Variants in DBF4B observed in about 807,000 individuals in gnomAD.
The protein encoded by DBF4B is protein DBF4 homolog B.
Under a neutral mutation model 53.4 loss-of-function variants are expected in DBF4B, and 49 were observed. The observed-to-expected ratio is 0.92, with a 90% CI of 0.73 to 1.16. The LOEUF (loss-of-function observed/expected upper bound fraction) is 1.16. Among genes scored for constraint, DBF4B ranks in the 50% most tolerant of loss-of-function variants. DBF4B has a pLI of 0.00. For missense variants in DBF4B, 692 were observed against 775.0 expected, an observed-to-expected ratio of 0.89 and a Z score of 1.27; for synonymous variants, 257 against 288.7, an observed-to-expected ratio of 0.89 and a Z score of 1.11.
At position 44,730,967 on chromosome 17, in the gene DBF4B, G is replaced by A. The variant is rs1257812225; in HGVS notation, c.420G>A (p.Val140=). ...CACTGCTCTTCTGTCCCTGTCAGGT[G>A]CCTCTAAGCAGAGGGAAGGAGCTGC... ...PRPSRKPVDS[V]PLSRGKELLQ... The change falls in exon 5 of 14, where the codon GTG becomes GTA. Residue 140 remains valine, a splice_region_variant and synonymous_variant. Transcript: ENST00000315005. The A allele has an allele frequency of 2.5e-6, 4 of 1,613,912 alleles. No individual in the cohort carries two copies. The highest frequency in any genetic ancestry group is 3.4e-6 in the Non-Finnish European group (4 of 1,179,848).
chr17:44,718,474 C>G (rs976943681), intron 2 of DBF4B, among the ~76,000 whole-genome samples: 1 of 150,782 alleles, frequency 6.6e-6, no homozygotes, highest in Non-Finnish European at 1.5e-5. Context: ...TCTCGTTAGT[C>G]TCCTCCTGAG....
At position 44,749,109 on chromosome 17, in the gene DBF4B, T is replaced by C. The variant is rs2145167682; in HGVS notation, c.1189+644T>C. On this transcript the variant is annotated intron_variant, in intron 13 of 13. Coordinates refer to ENST00000315005, the MANE Select transcript of DBF4B (RefSeq NM_145663.3). This position sits in a 1 kb window ranked among gnomAD's most constrained non-coding sequence, Gnocchi z 4.4. ...GGCCATCAGCTCCCCTGTACTCAGC[T>C]ACCAGTGTGCAGCCCTCGGGAGCAC... is the stretch of plus-strand genomic sequence containing the variant. 1 of 1,289,754 alleles carries C rather than the reference T, an allele frequency of 7.8e-7. No homozygotes were observed. Among genetic ancestry groups the C allele is most frequent in the South Asian group, 1.2e-5 (1 of 81,032 alleles). The allele number at this position is 1,289,754 out of a possible 1,614,324, so 79.9% of individuals were successfully genotyped here.
At chr17:44,723,220 C>T (rs746344333) in intron 3 of DBF4B, among the ~76,000 whole-genome samples, 198 bp downstream of exon 3, 5 of 152,206 alleles carry the variant, frequency 3.3e-5, no homozygotes, top group Non-Finnish European at 7.3e-5. Context: ...AATTCTCCTG[C>T]CTCAACCTCC....
intron 10 of DBF4B, among the ~76,000 whole-genome samples, chr17:44,746,692 G>A (rs1051174882): frequency 5.3e-5 from 8 of 151,832 alleles, no homozygotes; most frequent in South Asian, 2.1e-4. Flanking sequence ...TGTGGCGGGC[G>A]CCTGTAATCC....
At chr17:44,734,928 A>T in intron 7 of DBF4B, among the ~76,000 whole-genome samples, 1 of 152,032 alleles carries the variant, frequency 6.6e-6, no homozygotes, top group Admixed American at 6.6e-5. Context: ...GTGTGGTGAA[A>T]CCCCGACTGT....
Position 44,715,812 on chromosome 17 carries a change from C to CTTT in DBF4B, c.82+6472_82+6474dup, listed in dbSNP as rs869200833. On this transcript the variant is annotated intron_variant, in intron 2 of 13. Transcript: ENST00000315005. ...GTTAGCCTAATTTCTTTCTTTCTTT[C>CTTT]TTTTTTTTTTTTTTTTTTTTTTTTT... Among the ~76,000 whole-genome samples, 59 of 55,550 alleles carry CTTT rather than the reference C, an allele frequency of 1.1e-3. 5 individuals are homozygous for CTTT. Among genetic ancestry groups the CTTT allele is most frequent in the Non-Finnish European group, 1.7e-3 (52 of 30,672 alleles). The allele number at this position is 55,550 out of a possible 152,430, so 36.4% of individuals were successfully genotyped here.
chr17:44,715,046 C>T (rs560822786), intron 2 of DBF4B, among the ~76,000 whole-genome samples: 2 of 152,172 alleles, frequency 1.3e-5, no homozygotes, highest in East Asian at 3.9e-4. Flanking sequence ...GAGCAGGTAC[C>T]TTTCAATCTG....
At position 44,751,518 on chromosome 17, in the gene DBF4B, A is replaced by C. The variant is rs2049277361; in HGVS notation, c.*265A>C. ...TCACACTGTCTGTCCCTGGCCCTCC[A>C]GCCCACCTCGCCAACCACTCTTGTT... is the stretch of plus-strand genomic sequence containing the variant. On this transcript the variant is annotated 3_prime_UTR_variant, in exon 14 of 14. Transcript: ENST00000315005. The C allele has an allele frequency of 2.2e-6, 3 of 1,380,296 alleles. No homozygotes were observed. Among genetic ancestry groups the C allele is most frequent in the Non-Finnish European group, 2.8e-6 (3 of 1,070,602 alleles). 85.5% of individuals were successfully genotyped at this position (1,380,296 alleles called of 1,614,324 possible).
At chr17:44,734,241 C>G in intron 7 of DBF4B, 78 bp downstream of exon 7, 1 of 1,555,914 alleles carries the variant, frequency 6.4e-7, no homozygotes, top group East Asian at 2.2e-5. Flanking sequence ...AATCCATGGC[C>G]CACCCAAACC....
At chr17:44,729,846 A>G (rs1974683897) in intron 3 of DBF4B, 59 bp from the exon 4 acceptor site, 1 of 1,576,604 alleles carries the variant, frequency 6.3e-7, no homozygotes, top group African/African-American at 1.4e-5. Flanking sequence ...CAGCCTCTTT[A>G]TATTGACAAT....
chr17:44,718,453 C>A (rs924746122), intron 2 of DBF4B, among the ~76,000 whole-genome samples: 3 of 151,680 alleles, frequency 2.0e-5, no homozygotes, highest in East Asian at 3.9e-4. Context: ...TACATATTGC[C>A]TTTAATTATA....
chr17:44,723,202 G>A (rs1249743512), intron 3 of DBF4B, among the ~76,000 whole-genome samples, 180 bp downstream of exon 3: 3 of 152,152 alleles, frequency 2.0e-5, no homozygotes, highest in African/African-American at 7.2e-5. Context: ...TGCCTCCCGG[G>A]TTCAAGCAAT....
chr17:44,749,446 G>C lies in DBF4B; in HGVS notation c.1189+981G>C. On this transcript the variant is annotated intron_variant, in intron 13 of 13. Transcript: ENST00000315005. The surrounding 1 kb of genome is among the most constrained non-coding windows in gnomAD (Gnocchi z 4.4). ...AGGACGCAGGAGGGGCAGAACCCCA[G>C]GACTTCCCCAAAAGAGCTAGAAGGA... 7.8e-7 allele frequency: 1 copy of C among 1,289,288 alleles called. No individual in the cohort carries two copies. The allele number at this position is 1,289,288 out of a possible 1,614,324, so 79.9% of individuals were successfully genotyped here. A position where few individuals can be genotyped will look rare whatever the true frequency, so the allele number is the denominator to read the frequency against.
intron 10 of DBF4B, among the ~76,000 whole-genome samples, chr17:44,745,192 A>G (rs1051812870): frequency 6.6e-6 from 1 of 152,134 alleles, no homozygotes; most frequent in Admixed American, 6.6e-5. Flanking sequence ...TTGACCTCCC[A>G]AAGTGCAGGG....
chr17:44,739,585 C>T lies in DBF4B; in HGVS notation c.713+1161C>T, dbSNP rs367782215. Reference sequence around the variant, plus strand: ...GGATGGATTGCGTGTTCATCCCCAGCCCCTTCACACCTATTTAAATGTAGG... The same window carrying T: ...GGATGGATTGCGTGTTCATCCCCAGTCCCTTCACACCTATTTAAATGTAGG... On this transcript the variant is annotated intron_variant, in intron 9 of 13. Coordinates refer to ENST00000315005, the MANE Select transcript of DBF4B (RefSeq NM_145663.3). 5.9e-5 allele frequency among the ~76,000 whole-genome samples: 9 copies of T among 152,232 alleles called. No individual in the cohort carries two copies. In the East Asian group the frequency reaches 1.2e-3, roughly 20 times the overall value.
At chr17:44,744,087 C>T (rs933507009) in intron 10 of DBF4B, among the ~76,000 whole-genome samples, 1 of 52,082 alleles carries the variant, frequency 1.9e-5, no homozygotes, top group South Asian at 1.4e-3. Context: ...GACCACCCCC[C>T]CCCCCCCCCG....
intron 2 of DBF4B, among the ~76,000 whole-genome samples, chr17:44,721,400 G>A (rs910559555): frequency 1.3e-5 from 2 of 151,842 alleles, no homozygotes; most frequent in Non-Finnish European, 1.5e-5. Flanking sequence ...TCTATTTTTA[G>A]TAGAGGCAGG....
chr17:44,728,792 G>A (rs1974576288), intron 3 of DBF4B, among the ~76,000 whole-genome samples: 1 of 151,308 alleles, frequency 6.6e-6, no homozygotes, highest in Admixed American at 6.6e-5. Flanking sequence ...ACTCCAGCCT[G>A]GTGACAAAAA....
In DBF4B at chr17:44,736,773, G is replaced by GT. The variant is rs1157020503; in HGVS notation, c.631-55dup. On this transcript the variant is annotated intron_variant, in intron 7 of 13. Transcript: ENST00000315005. ...GCAGCCACTTGGCTTATCAGGCCCA[G>GT]TTCCTTGACCCCCGTGGCTTCCTCA... 98 of 1,605,814 alleles carry GT rather than the reference G, an allele frequency of 6.1e-5. No homozygotes were observed. In the East Asian group the frequency reaches 2.0e-3, roughly 33 times the overall value.
Sources: allele counts gnomAD v4.1 joint callset (sites outside exome capture counted in the v4.1 genomes callset), GRCh38; gene constraint gnomAD v4.1.1; non-coding constraint Gnocchi (gnomAD v3.1); transcripts MANE v1.5; gene names NCBI Gene and HGNC (gene_info 2026-07-23, HGNC 2026-07-21).